Variants in WNK1 observed in about 807,000 individuals in gnomAD.
WNK1 encodes the protein WNK lysine deficient protein kinase 1, also known as serine/threonine-protein kinase WNK1.
WNK1 carries 38 observed loss-of-function variants against 222.8 expected under a neutral mutation model. The ratio of observed to expected loss-of-function variants is 0.17; its 90% CI spans 0.13 to 0.22. The LOEUF is 0.22. WNK1 is among the 10% of genes least tolerant of loss of function. The pLI is 1.00. For synonymous variants in WNK1, 1,090 were observed against 1,092.9 expected (o/e 1.00, Z 0.05); for missense variants, 2,348 against 2,918.4 (o/e 0.80, Z 4.50).
chr12:771,440 G>A (rs1158320158), intron 1 of WNK1, among the ~76,000 whole-genome samples: 1 of 152,066 alleles, frequency 6.6e-6, no homozygotes, highest in East Asian at 1.9e-4. Flanking sequence ...AAGATAAACT[G>A]TAGTTCAGCT....
chr12:861,288 T>G lies in WNK1; in HGVS notation c.1896T>G (p.Pro632=). Reference sequence around the variant, plus strand: ...CTACACAAGTAGAACCTGAAGAACCTGAGGCAGATCAACATCAACAACTAC... The same window carrying G: ...CTACACAAGTAGAACCTGAAGAACCGGAGGCAGATCAACATCAACAACTAC... ...SVSTQVEPEE[P]EADQHQQLQY... The change falls in exon 7 of 28, where the codon CCT becomes CCG. Residue 632 remains proline, a synonymous_variant. Coordinates refer to ENST00000315939, the MANE Select transcript of WNK1 (RefSeq NM_018979.4). The G allele has an allele frequency of 6.2e-7, 1 of 1,614,138 alleles. No individual in the cohort carries two copies. The highest frequency in any genetic ancestry group is 1.1e-5 in the South Asian group (1 of 91,074).
chr12:847,892 C>T (rs1165967943), intron 4 of WNK1, among the ~76,000 whole-genome samples: 3 of 147,356 alleles, frequency 2.0e-5, no homozygotes, highest in Non-Finnish European at 4.5e-5. Flanking sequence ...CTGCAACCTC[C>T]GCCTCCCAGG....
At chr12:768,407 A>C (rs1373457550) in intron 1 of WNK1, among the ~76,000 whole-genome samples, 1 of 152,134 alleles carries the variant, frequency 6.6e-6, no homozygotes, top group East Asian at 1.9e-4. Context: ...AAGTGCTGGG[A>C]TTACAGGCGT....
intron 1 of WNK1, among the ~76,000 whole-genome samples, chr12:811,835 A>G (rs1331203053): frequency 6.6e-6 from 1 of 152,164 alleles, no homozygotes; most frequent in Non-Finnish European, 1.5e-5. Context: ...ATGCATCTGT[A>G]TTTCTAACTT....
intron 1 of WNK1, among the ~76,000 whole-genome samples, chr12:771,619 G>A (rs1942509191): frequency 6.6e-6 from 1 of 151,994 alleles, no homozygotes; most frequent in South Asian, 2.1e-4. Flanking sequence ...ATTTTTAGTA[G>A]AGACACGGTT....
In WNK1 at chr12:907,851, C is replaced by G; in HGVS notation, c.6648C>G (p.Thr2216=). The G allele has an allele frequency of 3.7e-6, 6 of 1,613,536 alleles. No individual in the cohort carries two copies. The highest frequency in any genetic ancestry group is 5.1e-6 in the Non-Finnish European group (6 of 1,180,012). ...VPSLSAPGQG[T]SSTNTVGATV... The stretch of plus-strand genomic sequence containing the variant: ...GTATTCTGTTGCTTATAATAGGAAC[C>G]AGCAGCACAAACACTGTTGGGGCAA... Residue 2216 remains threonine (T), a synonymous_variant, in exon 27 of 28, where the codon ACC becomes ACG. Transcript: ENST00000315939.
At chr12:809,859 G>T (rs1183279124) in intron 1 of WNK1, among the ~76,000 whole-genome samples, 3 of 152,152 alleles carry the variant, frequency 2.0e-5, no homozygotes, top group Non-Finnish European at 2.9e-5. Context: ...AACCCATGCT[G>T]CCCTGGAAAG....
rs1955276679 is a variant in WNK1 at position 901,743 on chromosome 12, T to C, written c.6643+1073T>C. On this transcript the variant is annotated intron_variant, in intron 26 of 27. Transcript: ENST00000315939. ...CAGTCCATTTTCATTTGTCTCTTTT[T>C]GTATATCATCTACTCAGTGGCTTGG... 3.6e-5 allele frequency: 25 copies of C among 693,368 alleles called. 1 individual carries two copies. The South Asian group carries it at 4.3e-4, about 12-fold the overall frequency. 43.0% of individuals were successfully genotyped at this position (693,368 alleles called of 1,614,324 possible).
intron 3 of WNK1, among the ~76,000 whole-genome samples, chr12:828,868 G>C (rs1948577115): frequency 6.6e-6 from 1 of 152,182 alleles, no homozygotes; most frequent in Admixed American, 6.5e-5. Flanking sequence ...ATTTTTAAGT[G>C]AACTTGGATA....
At chr12:894,533 T>G (rs796573819) in intron 22 of WNK1, 29 bp from the exon 23 acceptor site, 3 of 1,585,406 alleles carry the variant, frequency 1.9e-6, no homozygotes, top group Non-Finnish European at 1.7e-6. Flanking sequence ...GAGACACTTA[T>G]GTTTTCCTCA....
intron 1 of WNK1, among the ~76,000 whole-genome samples, chr12:780,775 G>A (rs1943614399): frequency 6.6e-6 from 1 of 152,218 alleles, no homozygotes; most frequent in African/African-American, 2.4e-5. Context: ...CCTTGGGTAA[G>A]TTTGTTGTCT....
intron 5 of WNK1, among the ~76,000 whole-genome samples, chr12:858,194 CTTT>C (rs112141810): frequency 1.4e-5 from 2 of 142,036 alleles, no homozygotes; most frequent in Non-Finnish European, 1.5e-5. Flanking sequence ...TGTTTCAACT[CTTT>C]TTTTTTTTTT....
chr12:776,946 A>C (rs894220918), intron 1 of WNK1, among the ~76,000 whole-genome samples: 6 of 152,236 alleles, frequency 3.9e-5, no homozygotes, highest in African/African-American at 1.4e-4. Context: ...TTATTCACAC[A>C]GAGTAGCTAT....
intron 25 of WNK1, among the ~76,000 whole-genome samples, chr12:899,985 A>G (rs952456175): frequency 7.3e-5 from 11 of 150,952 alleles, no homozygotes; most frequent in African/African-American, 2.7e-4. Context: ...CTGGAATAGT[A>G]CATATGGCCC....
chr12:827,631 C>T lies in WNK1; in HGVS notation c.1153+369C>T, dbSNP rs1372999680. ...GCAACCTCCACCCACCGGGTTCAAG[C>T]GATTCTTGTGCCTCAGCCTCCCGAG... On this transcript the variant is annotated intron_variant, in intron 3 of 27. Transcript: ENST00000315939. The surrounding 1 kb of genome is among the most constrained non-coding windows in gnomAD (Gnocchi z 4.6). 8.2e-5 allele frequency: 19 copies of T among 232,336 alleles called. No individual in the cohort carries two copies. Among genetic ancestry groups the T allele is most frequent in the South Asian group, 2.6e-4 (3 of 11,762 alleles). The allele number at this position is 232,336 out of a possible 1,614,324, so 14.4% of individuals were successfully genotyped here.
chr12:813,549 C>T, intron 1 of WNK1, 93 bp from the exon 2 acceptor site: 2 of 1,344,206 alleles, frequency 1.5e-6, no homozygotes, highest in East Asian at 2.4e-5. Context: ...CACCATCGAT[C>T]ATGATTTAGT....
At chr12:760,667 T>C (rs1298498622) in intron 1 of WNK1, among the ~76,000 whole-genome samples, 2 of 148,008 alleles carry the variant, frequency 1.4e-5, no homozygotes, top group East Asian at 3.9e-4. Flanking sequence ...CAGGGGAGCT[T>C]TTCAGTTTGA....
chr12:756,361 G>A (rs746115983), intron 1 of WNK1, among the ~76,000 whole-genome samples: 1 of 152,098 alleles, frequency 6.6e-6, no homozygotes, highest in Non-Finnish European at 1.5e-5. Context: ...TTTGTCTAAT[G>A]TCACGATAAA....
chr12:876,099 A>G (rs1952582059), intron 9 of WNK1, among the ~76,000 whole-genome samples: 1 of 152,126 alleles, frequency 6.6e-6, no homozygotes, highest in East Asian at 1.9e-4. Context: ...TGCTTCTTTA[A>G]AAGTTAAAAT....
Sources: allele counts gnomAD v4.1 joint callset (sites outside exome capture counted in the v4.1 genomes callset), GRCh38; gene constraint gnomAD v4.1.1; non-coding constraint Gnocchi (gnomAD v3.1); transcripts MANE v1.5; gene names NCBI Gene and HGNC (gene_info 2026-07-23, HGNC 2026-07-21).